Variants in TMEM184A observed in about 807,000 individuals in gnomAD.
The protein encoded by TMEM184A is transmembrane protein 184A.
In TMEM184A, 40 loss-of-function variants were observed where a neutral mutation model predicts 39.5. The observed-to-expected ratio is 1.01, with a 90% CI of 0.79 to 1.32. TMEM184A has a LOEUF of 1.32. Ranked by LOEUF, TMEM184A falls within the 40% of genes most tolerant of loss-of-function variation. The probability of loss-of-function intolerance (pLI) is 0.00; values close to 1 mark genes in which losing one functional copy is unlikely to be tolerated. For missense variants in TMEM184A, 603 were observed against 568.8 expected, an observed-to-expected ratio of 1.06 and a Z score of -0.61; for synonymous variants, 280 against 252.3, an observed-to-expected ratio of 1.11 and a Z score of -1.04.
intron 2 of TMEM184A, among the ~76,000 whole-genome samples, chr7:1,553,642 G>A (rs1784689994): frequency 6.6e-6 from 1 of 152,078 alleles, no homozygotes; most frequent in Non-Finnish European, 1.5e-5. Context: ...AGTTGGGGGA[G>A]GTTGGAGGCA....
At position 1,547,880 on chromosome 7, in the gene TMEM184A, C is replaced by T. The variant is rs199999778; in HGVS notation, c.874G>A (p.Gly292Arg). Residue 292 changes from glycine (G) to arginine (R), a missense_variant, in exon 8 of 9, where the codon GGG (glycine) becomes AGG (arginine). By Grantham distance (125) the Gly-to-Arg change is moderately radical. Transcript: ENST00000297477. ...GVIPEVETSGGNKLGAGTLAA... is the reference protein window; with the variant it reads ...GVIPEVETSGRNKLGAGTLAA... The stretch of plus-strand genomic sequence containing the variant: ...AGCGTGCCAGCCCCCAGCTTGTTCC[C>T]GCCGCTGGTCTCCACCTCCGGGATG... The T allele has an allele frequency of 6.1e-5, 98 of 1,599,128 alleles. No homozygotes were observed. The highest frequency in any genetic ancestry group is 1.7e-4 in the Middle Eastern group (1 of 6,010).
intron 2 of TMEM184A, among the ~76,000 whole-genome samples, chr7:1,554,333 C>G (rs183946295): frequency 1.3e-5 from 2 of 152,224 alleles, no homozygotes; most frequent in African/African-American, 4.8e-5. Context: ...CCCCAGCTCA[C>G]CTACAGATCC....
chr7:1,553,298 G>C (rs545727511), intron 2 of TMEM184A, among the ~76,000 whole-genome samples: 1 of 151,906 alleles, frequency 6.6e-6, no homozygotes, highest in African/African-American at 2.4e-5. Context: ...GATTATAGGC[G>C]CGCACCACCA....
At chr7:1,553,437 GAC>G (rs1784681793) in intron 2 of TMEM184A, among the ~76,000 whole-genome samples, 1 of 152,192 alleles carries the variant, frequency 6.6e-6, no homozygotes, top group Non-Finnish European at 1.5e-5. Context: ...ACAGGTGTGA[GAC>G]ACCACGCCTG....
At position 1,549,718 on chromosome 7, in the gene TMEM184A, A is replaced by G. The variant is rs974491901; in HGVS notation, c.644+136T>C. On this transcript the variant is annotated intron_variant, in intron 6 of 8. Coordinates refer to ENST00000297477, the MANE Select transcript of TMEM184A (RefSeq NM_001097620.2). ...CCCCAGGGGACCCAGTGCCCACCTC[A>G]TGCCAGGTGCCCCCGCAGCTCCCAC... 6.0e-5 allele frequency: 48 copies of G among 796,818 alleles called. No homozygotes were observed. In the African/African-American group the frequency reaches 6.1e-4, roughly 10 times the overall value. 49.4% of individuals were successfully genotyped at this position (796,818 alleles called of 1,614,324 possible). A position where few individuals can be genotyped will look rare whatever the true frequency, so the allele number is the denominator to read the frequency against.
rs113256709 is a variant in TMEM184A, at chr7:1,555,228, C to T, written c.219+38G>A. ...AGCCACGGCCACGTCCTGTGGAGACCAAGGTCCTGAAGGAGGCTCGGGGGC... is the reference window on the plus strand; with the variant it reads ...AGCCACGGCCACGTCCTGTGGAGACTAAGGTCCTGAAGGAGGCTCGGGGGC... On this transcript the variant is annotated intron_variant, in intron 2 of 8. Transcript: ENST00000297477. The surrounding 1 kb of genome is among the most constrained non-coding windows in gnomAD (Gnocchi z 5.2). 1.3e-6 allele frequency: 2 copies of T among 1,541,662 alleles called. No individual in the cohort carries two copies. Among genetic ancestry groups the T allele is most frequent in the African/African-American group, 2.7e-5 (2 of 73,378 alleles).
intron 6 of TMEM184A, chr7:1,549,400 A>G: frequency 7.0e-6 from 2 of 286,104 alleles, no homozygotes; most frequent in South Asian, 4.0e-5. Context: ...CTGTTCAGCC[A>G]ACAGGTCGGG....
intron 2 of TMEM184A, among the ~76,000 whole-genome samples, chr7:1,551,458 A>G (rs1001433605): frequency 5.9e-5 from 9 of 152,178 alleles, no homozygotes; most frequent in African/African-American, 2.2e-4. Flanking sequence ...GGCACCTTCT[A>G]TGTTTGCATT....
Position 1,555,106 on chromosome 7 carries a change from A to G in TMEM184A, c.219+160T>C, listed in dbSNP as rs1205500958. 6.6e-6 allele frequency among the ~76,000 whole-genome samples: 1 copy of G among 151,966 alleles called. No homozygotes were observed. Among genetic ancestry groups the G allele is most frequent in the Non-Finnish European group, 1.5e-5 (1 of 67,964 alleles). Reference sequence around the variant, plus strand: ...CCCCATTTTCAGGCCCAGCTCCCACATGCCACATCCTGGGGAAGCTCATCC... The same window carrying G: ...CCCCATTTTCAGGCCCAGCTCCCACGTGCCACATCCTGGGGAAGCTCATCC... On this transcript the variant is annotated intron_variant, in intron 2 of 8. Transcript: ENST00000297477. This position sits in a 1 kb window ranked among gnomAD's most constrained non-coding sequence, Gnocchi z 5.2.
rs371602175 is a variant in TMEM184A, at chr7:1,542,313, T to C, written c.*4639A>G. The stretch of plus-strand genomic sequence containing the variant: ...TTCTTTTCCAGTTTGATACTGTAAA[T>C]CTATCAGAGCAGAGCCGGGGGCACG... On this transcript the variant is annotated 3_prime_UTR_variant, in exon 9 of 9. Transcript: ENST00000297477. 6.7e-4 allele frequency: 102 copies of C among 152,746 alleles called. No homozygotes were observed. The highest frequency in any genetic ancestry group is 2.4e-3 in the African/African-American group (100 of 41,596). The allele number at this position is 152,746 out of a possible 1,614,324, so 9.5% of individuals were successfully genotyped here. A position where few individuals can be genotyped will look rare whatever the true frequency, so the allele number is the denominator to read the frequency against.
At chr7:1,551,391 A>T (rs1583221405) in intron 2 of TMEM184A, among the ~76,000 whole-genome samples, 1 of 129,312 alleles carries the variant, frequency 7.7e-6, no homozygotes, top group Non-Finnish European at 1.6e-5. Flanking sequence ...TCCGCCTGGT[A>T]CCCCTGCACA....
At chr7:1,551,836 C>G (rs913377908) in intron 2 of TMEM184A, among the ~76,000 whole-genome samples, 1 of 152,020 alleles carries the variant, frequency 6.6e-6, no homozygotes, top group Admixed American at 6.5e-5. Flanking sequence ...ACTAGAGAGG[C>G]TGAGGCAGGA....
intron 2 of TMEM184A, among the ~76,000 whole-genome samples, chr7:1,552,071 C>T (rs936650816): frequency 5.9e-5 from 9 of 152,052 alleles, no homozygotes; most frequent in African/African-American, 9.7e-5. Context: ...CTTGAACTCC[C>T]GGGCTCGAGT....
chr7:1,548,094 C>T (rs570585659), intron 7 of TMEM184A, among the ~76,000 whole-genome samples, 155 bp from the exon 8 acceptor site: 30 of 152,268 alleles, frequency 2.0e-4, no homozygotes, highest in Non-Finnish European at 3.8e-4. Context: ...GGGGGCAGGG[C>T]GCCTCCAAAG....
chr7:1,551,708 G>A (rs1784607355), intron 2 of TMEM184A, among the ~76,000 whole-genome samples: 1 of 152,078 alleles, frequency 6.6e-6, no homozygotes, highest in East Asian at 1.9e-4. Context: ...AGGCCGAGGT[G>A]GGTGGATCAT....
At chr7:1,552,664 C>T (rs1010018988) in intron 2 of TMEM184A, among the ~76,000 whole-genome samples, 3 of 152,102 alleles carry the variant, frequency 2.0e-5, no homozygotes, top group South Asian at 2.1e-4. Context: ...AGAGGGGACA[C>T]GTCCCGGTCC....
chr7:1,547,813 A>G lies in TMEM184A; in HGVS notation c.941T>C (p.Leu314Pro), dbSNP rs754487483. The G allele has an allele frequency of 1.2e-6, 2 of 1,612,878 alleles. No individual in the cohort carries two copies. The highest frequency in any genetic ancestry group is 1.1e-5 in the South Asian group (1 of 91,036). Reference sequence around the variant, plus strand: ...ATAACGCAGGGCCACGGAGGCGAACAGCATCTCCACGCAGATGATGAAGTT... The same window carrying G: ...ATAACGCAGGGCCACGGAGGCGAACGGCATCTCCACGCAGATGATGAAGTT... ...YQNFIICVEM[L>P]FASVALRYAF... Residue 314 changes from leucine (L) to proline (P), a missense_variant, in exon 8 of 9, where the codon CTG (leucine) becomes CCG (proline). By Grantham distance (98) the Leu-to-Pro change is moderately conservative (BLOSUM62 -3). Coordinates refer to ENST00000297477, the MANE Select transcript of TMEM184A (RefSeq NM_001097620.2).
chr7:1,548,324 C>A lies in TMEM184A; in HGVS notation c.814+195G>T, dbSNP rs962643974. ...TCTCTCCACCTGCTGGCGGGACCTC[C>A]CCACTCCCCCGTGCTGGCGGGACCT... is the stretch of plus-strand genomic sequence containing the variant. On this transcript the variant is annotated intron_variant, in intron 7 of 8. Transcript: ENST00000297477. Among the ~76,000 whole-genome samples the A allele has an allele frequency of 6.6e-6, 1 of 152,102 alleles. No homozygotes were observed. The highest frequency in any genetic ancestry group is 2.4e-5 in the African/African-American group (1 of 41,410).
chr7:1,548,771 C>T lies in TMEM184A; in HGVS notation c.645-83G>A, dbSNP rs1274298768. 2.7e-6 allele frequency: 4 copies of T among 1,493,674 alleles called. No individual in the cohort carries two copies. In the Admixed American group the frequency reaches 7.8e-5, roughly 29 times the overall value. 92.5% of individuals were successfully genotyped at this position (1,493,674 alleles called of 1,614,324 possible). A position where few individuals can be genotyped will look rare whatever the true frequency, so the allele number is the denominator to read the frequency against. On this transcript the variant is annotated intron_variant, in intron 6 of 8. Coordinates refer to ENST00000297477, the MANE Select transcript of TMEM184A (RefSeq NM_001097620.2). ...CCTAGAGCCACCGCCGCTGCACCCT[C>T]AGCCTGGTCCCCACCCTGAGCTTGG... is the stretch of plus-strand genomic sequence containing the variant.
Sources: gnomAD v4.1 joint callset for allele counts (sites outside exome capture counted in the v4.1 genomes callset) on GRCh38, gnomAD v4.1.1 for gene constraint, Gnocchi (gnomAD v3.1) non-coding constraint, MANE v1.5 for transcripts, NCBI Gene and HGNC (gene_info 2026-07-23, HGNC 2026-07-21) for gene names.